Variants in UNC45A observed in about 807,000 individuals in gnomAD.
UNC45A encodes unc-45 myosin chaperone A.
UNC45A carries 78 observed loss-of-function variants against 103.2 expected under a neutral mutation model. The observed-to-expected ratio is 0.76, with a 90% CI of 0.63 to 0.91. The LOEUF is 0.91. Among genes scored for constraint, UNC45A ranks in the 40% least tolerant of loss-of-function variants. The pLI is 0.00. For synonymous variants in UNC45A, 495 were observed against 504.6 expected (o/e 0.98, Z 0.25); for missense variants, 1,193 against 1,224.8 (o/e 0.97, Z 0.39).
chr15:90,953,061 G>C lies in UNC45A; in HGVS notation c.2421+15G>C. ...TGAGCAAGGAGGTGAGGGTTGGTCT[G>C]GGTGCTCATGACAGGCGGGGATGCA... On this transcript the variant is annotated intron_variant, in intron 18 of 19. Transcript: ENST00000418476. 1 of 1,613,508 alleles carries C rather than the reference G, an allele frequency of 6.2e-7. No individual in the cohort carries two copies. The highest frequency in any genetic ancestry group is 8.5e-7 in the Non-Finnish European group (1 of 1,180,000).
At chr15:90,942,757 C>T in intron 7 of UNC45A, 152 bp downstream of exon 7, 1 of 1,484,970 alleles carries the variant, frequency 6.7e-7, no homozygotes, top group Middle Eastern at 1.8e-4. Flanking sequence ...AGATTCTCAG[C>T]AACCAAGGTG....
In UNC45A at chr15:90,946,679, T is replaced by G; in HGVS notation, c.1265T>G (p.Leu422Arg). Residue 422 changes from leucine (L) to arginine (R), a missense_variant, in exon 10 of 20, where the codon CTG becomes CGG. Physicochemically the swap from Leu to Arg is moderately radical, Grantham distance 102. Transcript: ENST00000418476. ...GCCATCCAGACGGTGTCCTGCCTCCTGCAGGGCCCATGTGACGCTGGCAAC... is the reference window on the plus strand; with the variant it reads ...GCCATCCAGACGGTGTCCTGCCTCCGGCAGGGCCCATGTGACGCTGGCAAC... ...LRAIQTVSCL[L>R]QGPCDAGNRA... 1 of 1,612,428 alleles carries G rather than the reference T, an allele frequency of 6.2e-7. No homozygotes were observed. Among genetic ancestry groups the G allele is most frequent in the Non-Finnish European group, 8.5e-7 (1 of 1,179,934 alleles).
At chr15:90,931,096 G>A (rs115859518), upstream of UNC45A, 1,285 of 663,008 alleles carry the variant, frequency 1.9e-3, 15 homozygotes, top group African/African-American at 0.02. Flanking sequence ...TTCCCACCAC[G>A]CGGGGCTCAG....
intron 9 of UNC45A, 134 bp from the exon 10 acceptor site, chr15:90,946,480 A>T: frequency 2.0e-6 from 2 of 1,002,680 alleles, no homozygotes; most frequent in Non-Finnish European, 1.4e-6. Flanking sequence ...GAAACGTCCT[A>T]GTCCTCCCAT....
chr15:90,950,616 G>A lies in UNC45A; in HGVS notation c.2303+1G>A. The A allele has an allele frequency of 6.2e-7, 1 of 1,613,980 alleles. No individual in the cohort carries two copies. ...TGGCTGGGATCAGCGAGAGGCTCCG[G>A]TAAGGTCCCTTGGGATTGCGGGGCC... On this transcript the variant is annotated splice_donor_variant, in intron 17 of 19. Transcript: ENST00000418476. LOFTEE classifies it high-confidence loss of function.
At chr15:90,935,500 GC>G (rs2035961232) in intron 1 of UNC45A, 43 bp from the exon 2 acceptor site, 1 of 1,575,790 alleles carries the variant, frequency 6.3e-7, no homozygotes, top group African/African-American at 1.3e-5. Context: ...CCCGGGCTCT[GC>G]CCCGAACCCC....
At chr15:90,931,273 G>A, upstream of UNC45A, 1 of 1,550,596 alleles carries the variant, frequency 6.4e-7, no homozygotes, top group Non-Finnish European at 8.7e-7. Context: ...TTCAAGCACT[G>A]ATCAGATTGT....
upstream of UNC45A, chr15:90,931,179 T>C: frequency 7.0e-7 from 1 of 1,424,362 alleles, no homozygotes; most frequent in South Asian, 1.3e-5. Context: ...CTGGGAAGGA[T>C]GGAGGGAGCT....
upstream of UNC45A, chr15:90,932,143 C>G (rs757374020): frequency 6.4e-7 from 1 of 1,566,070 alleles, no homozygotes; most frequent in East Asian, 2.2e-5. Flanking sequence ...GAAGTCAGGT[C>G]GGAGGTAGTC....
At chr15:90,934,830 T>G, upstream of UNC45A, 1 of 413,270 alleles carries the variant, frequency 2.4e-6, no homozygotes. Context: ...GACACTTATT[T>G]GGGGAGGGAG....
upstream of UNC45A, chr15:90,931,868 A>G: frequency 6.2e-7 from 1 of 1,614,004 alleles, no homozygotes; most frequent in Non-Finnish European, 8.5e-7. Flanking sequence ...CAGGCGCCGC[A>G]CTTGTGCCCC....
intron 10 of UNC45A, 174 bp downstream of exon 10, chr15:90,947,088 C>G (rs1042391313): frequency 1.4e-6 from 1 of 719,090 alleles, no homozygotes; most frequent in Non-Finnish European, 2.2e-6. Context: ...ACTTGGGAGG[C>G]TGAGGCAGGA....
At chr15:90,950,637 G>A (rs2036853129) in intron 17 of UNC45A, 22 bp downstream of exon 17, 1 of 1,610,866 alleles carries the variant, frequency 6.2e-7, no homozygotes, top group Non-Finnish European at 8.5e-7. Context: ...TGGGATTGCG[G>A]GGCCTGGACC....
upstream of UNC45A, chr15:90,934,654 G>A (rs998186253): frequency 4.5e-5 from 18 of 398,236 alleles, no homozygotes; most frequent in Non-Finnish European, 7.5e-5. Context: ...TTACAGACTA[G>A]TGAAGGGACA....
At chr15:90,930,825 G>T (rs1338328415), upstream of UNC45A, 1 of 183,014 alleles carries the variant, frequency 5.5e-6, no homozygotes, top group African/African-American at 2.4e-5. Context: ...GCAACCTGAG[G>T]GAGGTGACTC....
At chr15:90,932,371 C>T, upstream of UNC45A, 2 of 1,113,256 alleles carry the variant, frequency 1.8e-6, no homozygotes, top group African/African-American at 1.6e-5. Flanking sequence ...CCCACGTTTC[C>T]TTCCCAGTCC....
chr15:90,935,868 C>G, intron 2 of UNC45A, 78 bp from the exon 3 acceptor site: 1 of 1,603,644 alleles, frequency 6.2e-7, no homozygotes, highest in Non-Finnish European at 8.5e-7. Context: ...CCTTGGAGAG[C>G]GAGAGTACCC....
upstream of UNC45A, chr15:90,935,168 C>T: frequency 1.4e-6 from 1 of 717,752 alleles, no homozygotes; most frequent in Non-Finnish European, 2.3e-6. Flanking sequence ...CCAAGCGCCC[C>T]GCCCCTGCCC....
upstream of UNC45A, chr15:90,932,882 C>T (rs2035853594): frequency 3.9e-6 from 1 of 255,834 alleles, no homozygotes; most frequent in Admixed American, 5.5e-5. Flanking sequence ...GGCCAAGGCT[C>T]AGGGGACTAT....
Sources: allele counts gnomAD v4.1 joint callset, GRCh38; gene constraint gnomAD v4.1.1; transcripts MANE v1.5; gene names NCBI Gene and HGNC (gene_info 2026-07-23, HGNC 2026-07-21).